The following ALG1 variants were observed in gnomAD, a reference collection of about 807,000 sequenced individuals.
ALG1 encodes the protein ALG1 chitobiosyldiphosphodolichol beta-mannosyltransferase.
A neutral mutation model predicts 55.1 loss-of-function variants in ALG1; 58 were observed. The ratio of observed to expected loss-of-function variants is 1.05; its 90% CI spans 0.85 to 1.31. ALG1 has a LOEUF of 1.31. ALG1 is among the 50% of genes most tolerant of loss of function. ALG1 has a pLI of 0.00. For missense variants in ALG1, 761 were observed against 598.6 expected, an observed-to-expected ratio of 1.27 and a Z score of -2.83; for synonymous variants, 309 against 247.0, an observed-to-expected ratio of 1.25 and a Z score of -2.35.
At position 5,078,226 on chromosome 16, in the gene ALG1, G is replaced by C. The variant is rs1956950213; in HGVS notation, c.740+209G>C. The C allele has an allele frequency of 4.2e-6, 3 of 717,398 alleles. No individual in the cohort carries two copies. In the South Asian group the frequency reaches 4.5e-5, roughly 11 times the overall value. 44.4% of individuals were successfully genotyped at this position (717,398 alleles called of 1,614,324 possible). A position where few individuals can be genotyped will look rare whatever the true frequency, so the allele number is the denominator to read the frequency against. On this transcript the variant is annotated intron_variant, in intron 6 of 12. Coordinates refer to ENST00000262374, the MANE Select transcript of ALG1 (RefSeq NM_019109.5). ...CTACAGCCGCCTTTGAGCTGCAATAGCAGAATCGCGTTTTGCAACAGAGAA... is the reference window on the plus strand; with the variant it reads ...CTACAGCCGCCTTTGAGCTGCAATACCAGAATCGCGTTTTGCAACAGAGAA...
intron 1 of ALG1, 67 bp downstream of exon 1, chr16:5,072,124 C>T (rs1380698621): frequency 1.3e-6 from 2 of 1,549,274 alleles, no homozygotes; most frequent in Non-Finnish European, 8.7e-7. Context: ...CTAACCGCCC[C>T]GGGGAGTCGA....
At chr16:5,075,355 G>A in intron 3 of ALG1, 33 bp from the exon 4 acceptor site, 1 of 1,612,698 alleles carries the variant, frequency 6.2e-7, no homozygotes, top group Non-Finnish European at 8.5e-7. Flanking sequence ...CATGGTCTGG[G>A]TTTCCTCCCC....
At chr16:5,077,294 C>T in intron 4 of ALG1, 151 bp from the exon 5 acceptor site, 1 of 728,318 alleles carries the variant, frequency 1.4e-6, no homozygotes, top group Non-Finnish European at 2.5e-6. Flanking sequence ...GTATATACAG[C>T]ATAAAGAAAG....
chr16:5,077,791 T>A, intron 5 of ALG1, 116 bp from the exon 6 acceptor site: 2 of 1,182,498 alleles, frequency 1.7e-6, no homozygotes, highest in African/African-American at 1.5e-5. Flanking sequence ...CTTCTTCTTG[T>A]CATCATCTGA....
intron 3 of ALG1, 110 bp downstream of exon 3, chr16:5,073,366 G>A: frequency 1.0e-6 from 1 of 980,076 alleles, no homozygotes; most frequent in Admixed American, 2.0e-5. Flanking sequence ...GTGTGTATGG[G>A]CGTTTAAAGA....
chr16:5,083,873 A>G (rs1376943986), intron 12 of ALG1, 116 bp downstream of exon 12: 1 of 1,489,836 alleles, frequency 6.7e-7, no homozygotes, highest in Non-Finnish European at 9.1e-7. Flanking sequence ...GTCTGGCGGA[A>G]AAGCTAGGGA....
chr16:5,078,290 C>A (rs1393877470), intron 6 of ALG1: 8 of 662,188 alleles, frequency 1.2e-5, no homozygotes, highest in African/African-American at 3.6e-5. Flanking sequence ...ACTCTCTGGC[C>A]CTTTAAGAAA....
At chr16:5,084,575 T>C in intron 12 of ALG1, 175 bp from the exon 13 acceptor site, 2 of 1,008,466 alleles carry the variant, frequency 2.0e-6, no homozygotes, top group South Asian at 1.4e-5. Flanking sequence ...GAAACTGTGA[T>C]GTCAAGTTGG....
Position 5,078,890 on chromosome 16 carries a change from C to A in ALG1, c.862+12C>A, listed in dbSNP as rs1391684185. ...CACGAGCTGGACAGGTCTGCAGGACCCCTGGGGCACTTGGGGTTGGTGTGA... is the reference window on the plus strand; with the variant it reads ...CACGAGCTGGACAGGTCTGCAGGACACCTGGGGCACTTGGGGTTGGTGTGA... On this transcript the variant is annotated intron_variant, in intron 7 of 12. Coordinates refer to ENST00000262374, the MANE Select transcript of ALG1 (RefSeq NM_019109.5). 2.5e-6 allele frequency: 4 copies of A among 1,610,966 alleles called. No homozygotes were observed. Among genetic ancestry groups the A allele is most frequent in the Non-Finnish European group, 3.4e-6 (4 of 1,179,474 alleles).
intron 10 of ALG1, among the ~76,000 whole-genome samples, chr16:5,082,016 C>A (rs1333775915): frequency 5.3e-5 from 8 of 151,970 alleles, no homozygotes; most frequent in Non-Finnish European, 1.0e-4. Context: ...GATCTTGGCT[C>A]ACGCAACCTC....
Position 5,073,001 on chromosome 16 carries a change from G to C in ALG1, c.259G>C (p.Gly87Arg), listed in dbSNP as rs187287792. 6.1e-5 allele frequency: 99 copies of C among 1,614,186 alleles called. No homozygotes were observed. The East Asian group carries it at 2.0e-3, about 32-fold the overall frequency. Residue 87 changes from glycine to arginine, a missense_variant, in exon 2 of 13, where the codon GGG (glycine) becomes CGG (arginine). Gly to Arg is a moderately radical substitution (Grantham distance 125). Coordinates refer to ENST00000262374, the MANE Select transcript of ALG1 (RefSeq NM_019109.5). ...LLQNNRIQIV[G>R]LTELQSLAVG... ...GCAGAACAACAGAATTCAGATTGTG[G>C]GGTTGACAGAACTTCAGAGTCTTGC...
At chr16:5,078,732 AC>A (rs1411412654) in intron 6 of ALG1, 24 bp from the exon 7 acceptor site, 3 of 1,612,480 alleles carry the variant, frequency 1.9e-6, no homozygotes, top group South Asian at 1.1e-5. Context: ...ATGGCCTCTC[AC>A]AGGCTTTTTT....
intron 4 of ALG1, among the ~76,000 whole-genome samples, chr16:5,076,971 T>A (rs1956925493): frequency 6.6e-6 from 1 of 152,004 alleles, no homozygotes; most frequent in Admixed American, 6.5e-5. Context: ...ATTTTTGTGT[T>A]TTTAGTAGAG....
At position 5,077,483 on chromosome 16, in the gene ALG1, T is replaced by C. The variant is rs764981619; in HGVS notation, c.578T>C (p.Leu193Pro). 1 of 1,614,190 alleles carries C rather than the reference T, an allele frequency of 6.2e-7. No homozygotes were observed. Among genetic ancestry groups the C allele is most frequent in the Non-Finnish European group, 8.5e-7 (1 of 1,180,024 alleles). Residue 193 changes from leucine (L) to proline (P), a missense_variant, in exon 5 of 13, where the codon CTG becomes CCG. Leu to Pro is a moderately conservative substitution (Grantham distance 98, BLOSUM62 -3). Transcript: ENST00000262374. ...KFFGRLSHLN[L>P]CVTNAMREDL... ...TTTGGGCGCCTGTCCCACCTGAACC[T>C]GTGTGTTACCAATGCTATGCGAGAA...
At chr16:5,078,730 TCA>T in intron 6 of ALG1, 25 bp from the exon 7 acceptor site, 1 of 1,612,472 alleles carries the variant, frequency 6.2e-7, no homozygotes, top group Non-Finnish European at 8.5e-7. Flanking sequence ...CTATGGCCTC[TCA>T]CAGGCTTTTT....
At chr16:5,074,497 A>G (rs568889620) in intron 3 of ALG1, among the ~76,000 whole-genome samples, 49 of 152,314 alleles carry the variant, frequency 3.2e-4, no homozygotes, top group African/African-American at 1.1e-3. Context: ...GTGATGTACT[A>G]TACTGCATGT....
rs1211615917 is a variant in ALG1 at position 5,077,839 on chromosome 16, C to T, written c.630-68C>T. The T allele has an allele frequency of 1.2e-5, 17 of 1,438,460 alleles. No individual in the cohort carries two copies. In the Admixed American group the frequency reaches 2.7e-4, roughly 23 times the overall value. 89.1% of individuals were successfully genotyped at this position (1,438,460 alleles called of 1,614,324 possible). On this transcript the variant is annotated intron_variant, in intron 5 of 12. Transcript: ENST00000262374. ...CCAAGCGTCCTTCTTTTCCTGGAGC[C>T]TCTGAGTCCTCTGTTCCTGAGGCCT... is the stretch of plus-strand genomic sequence containing the variant.
chr16:5,083,687 A>G lies in ALG1; in HGVS notation c.1193A>G (p.His398Arg), dbSNP rs1292094188. 11 of 1,600,804 alleles carry G rather than the reference A, an allele frequency of 6.9e-6. No homozygotes were observed. Among genetic ancestry groups the G allele is most frequent in the South Asian group, 1.1e-5 (1 of 90,992 alleles). ...TCCCTTGGTTCTCTCTGCAGTTTAC[A>G]TGAGCTGGTGAAACATGAAGAAAAT... is the stretch of plus-strand genomic sequence containing the variant. ...PVCAVNFKCLHELVKHEENGL... is the reference protein window; with the variant it reads ...PVCAVNFKCLRELVKHEENGL... Residue 398 changes from histidine (H) to arginine (R), a missense_variant, in exon 12 of 13, where the codon CAT becomes CGT. By Grantham distance (29) the His-to-Arg change is conservative. Transcript: ENST00000262374.
At position 5,075,513 on chromosome 16, in the gene ALG1, T is replaced by A. The variant is rs1310088513; in HGVS notation, c.516T>A (p.His172Gln). Residue 172 changes from histidine to glutamine, a missense_variant, in exon 4 of 13, where the codon CAT becomes CAA. Transcript: ENST00000262374. The stretch of plus-strand genomic sequence containing the variant: ...TGGGTCTGGTGCATGGCCCCAACCA[T>A]CCCCTCGTTCTGCTGGCCAAGTGGT... ...SIMGLVHGPNHPLVLLAKWYE... is the reference protein window; with the variant it reads ...SIMGLVHGPNQPLVLLAKWYE... 6.2e-7 allele frequency: 1 copy of A among 1,614,036 alleles called. No individual in the cohort carries two copies. The highest frequency in any genetic ancestry group is 8.5e-7 in the Non-Finnish European group (1 of 1,180,000).
Sources: allele counts gnomAD v4.1 joint callset (sites outside exome capture counted in the v4.1 genomes callset), GRCh38; gene constraint gnomAD v4.1.1; transcripts MANE v1.5; gene names NCBI Gene and HGNC (gene_info 2026-07-23, HGNC 2026-07-21).